TRPM3: variants seen among roughly 807,000 people sequenced by gnomAD.
The protein encoded by TRPM3 is transient receptor potential cation channel subfamily M member 3.
A neutral mutation model predicts 181.2 loss-of-function variants in TRPM3; 77 were observed. That is an observed-to-expected ratio of 0.42 (90% CI 0.35 to 0.51). The LOEUF (loss-of-function observed/expected upper bound fraction) is 0.51, where lower values mean the gene tolerates loss of function less well. Among genes scored for constraint, TRPM3 ranks in the 20% least tolerant of loss-of-function variants. The probability of loss-of-function intolerance (pLI) is 0.01; values close to 1 mark genes in which losing one functional copy is unlikely to be tolerated. For missense variants in TRPM3, 1,759 were observed against 2,196.7 expected (o/e 0.80, Z 3.98); for synonymous variants, 745 against 796.4 (o/e 0.94, Z 1.09).
At chr9:70,952,572 T>C (rs543481074) in intron 1 of TRPM3, among the ~76,000 whole-genome samples, 4 of 152,300 alleles carry the variant, frequency 2.6e-5, no homozygotes, top group African/African-American at 7.2e-5. Context: ...TGGTCAGTTT[T>C]TGGAGGAGCT....
At chr9:70,570,107 A>C (rs1447766534) in intron 22 of TRPM3, among the ~76,000 whole-genome samples, 2 of 151,960 alleles carry the variant, frequency 1.3e-5, no homozygotes, top group Non-Finnish European at 2.9e-5. Context: ...GTTGCTTTAG[A>C]TTTTGGGACT....
intron 19 of TRPM3, among the ~76,000 whole-genome samples, chr9:70,604,044 TTAAGA>T (rs2060553408): frequency 6.6e-6 from 1 of 152,298 alleles, no homozygotes; most frequent in East Asian, 1.9e-4. Context: ...CCTAATCAAG[TTAAGA>T]TAAGATATTC....
intron 1 of TRPM3, among the ~76,000 whole-genome samples, chr9:71,036,312 T>C (rs1030461885): frequency 2.0e-5 from 3 of 152,224 alleles, no homozygotes; most frequent in African/African-American, 7.2e-5. Flanking sequence ...CTTTACTTAA[T>C]TAGGATGCAT....
At chr9:70,747,529 T>C (rs1179489743) in intron 8 of TRPM3, among the ~76,000 whole-genome samples, 4 of 152,186 alleles carry the variant, frequency 2.6e-5, no homozygotes, top group African/African-American at 9.6e-5. Context: ...TGATTGGTTC[T>C]GTGCTTCAAC....
chr9:71,295,261 T>C (rs1339869560), intron 1 of TRPM3, among the ~76,000 whole-genome samples: 1 of 152,130 alleles, frequency 6.6e-6, no homozygotes, highest in African/African-American at 2.4e-5. Context: ...GAGATGATAA[T>C]GGTCAGTATT....
intron 1 of TRPM3, among the ~76,000 whole-genome samples, chr9:71,112,464 C>T (rs1460120802): frequency 2.0e-5 from 3 of 152,206 alleles, no homozygotes; most frequent in Admixed American, 6.5e-5. Context: ...CTTGGGGAAT[C>T]GATGAACTAA....
chr9:70,983,413 T>C (rs1338775913), intron 1 of TRPM3, among the ~76,000 whole-genome samples: 4 of 152,150 alleles, frequency 2.6e-5, no homozygotes, highest in Non-Finnish European at 4.4e-5. Flanking sequence ...ACTTAGATAC[T>C]TCAAAGGCAT....
intron 6 of TRPM3, among the ~76,000 whole-genome samples, chr9:70,800,689 A>G (rs2088697068): frequency 6.6e-6 from 1 of 152,162 alleles, no homozygotes; most frequent in African/African-American, 2.4e-5. Flanking sequence ...TATTTTCTTA[A>G]TATGATTTCC....
intron 1 of TRPM3, among the ~76,000 whole-genome samples, chr9:71,104,235 A>T (rs925806452): frequency 1.3e-5 from 2 of 152,166 alleles, no homozygotes; most frequent in African/African-American, 4.8e-5. Flanking sequence ...ACTCTTTATG[A>T]GTGACCACTA....
chr9:71,294,423 C>T (rs938403765), intron 1 of TRPM3, among the ~76,000 whole-genome samples: 1 of 151,962 alleles, frequency 6.6e-6, no homozygotes, highest in South Asian at 2.1e-4. Flanking sequence ...AAGGAGATAC[C>T]ATTTCACACC....
Position 70,917,017 on chromosome 9 carries a change from G to A in TRPM3, c.178-52506C>T, listed in dbSNP as rs895802777. 8.9e-5 allele frequency: 140 copies of A among 1,572,328 alleles called. No individual in the cohort carries two copies. The Admixed American group carries it at 2.2e-3, about 24-fold the overall frequency. ...AGTTAGAAGTCCTGGGACAAACAAG[G>A]TGAGTGGGTATAGAGACTGGTATGT... On this transcript the variant is annotated intron_variant, in intron 1 of 25. Transcript: ENST00000677713.
At chr9:71,358,357 A>G (rs923271600) in intron 1 of TRPM3, among the ~76,000 whole-genome samples, 1 of 152,188 alleles carries the variant, frequency 6.6e-6, no homozygotes, top group African/African-American at 2.4e-5. Flanking sequence ...CTCTAGATCA[A>G]TTGGAAAATC....
intron 1 of TRPM3, among the ~76,000 whole-genome samples, chr9:71,286,440 T>C (rs1305338395): frequency 6.6e-6 from 1 of 152,182 alleles, no homozygotes; most frequent in South Asian, 2.1e-4. Flanking sequence ...CCAGAGAATC[T>C]AGCCCATTAA....
chr9:70,692,101 G>T (rs1421682425), intron 8 of TRPM3, among the ~76,000 whole-genome samples: 3 of 152,190 alleles, frequency 2.0e-5, no homozygotes, highest in East Asian at 1.9e-4. Context: ...CAGAGTTTGT[G>T]GGGGGAAGGG....
At chr9:71,041,595 C>T (rs1417461168) in intron 1 of TRPM3, among the ~76,000 whole-genome samples, 2 of 152,168 alleles carry the variant, frequency 1.3e-5, no homozygotes, top group Admixed American at 1.3e-4. Flanking sequence ...TTATTTCCCA[C>T]TCGACCCAGC....
intron 1 of TRPM3, among the ~76,000 whole-genome samples, chr9:71,291,762 A>G (rs961099382): frequency 6.6e-6 from 1 of 152,130 alleles, no homozygotes; most frequent in Non-Finnish European, 1.5e-5. Flanking sequence ...TTGATATTAT[A>G]AAGCAATCAA....
At chr9:71,167,354 T>C (rs921517493) in intron 1 of TRPM3, among the ~76,000 whole-genome samples, 2 of 152,332 alleles carry the variant, frequency 1.3e-5, no homozygotes, top group Non-Finnish European at 2.9e-5. Context: ...TAAAATGTAC[T>C]ATTATTTTAC....
chr9:71,119,024 C>A (rs1204664410), intron 1 of TRPM3, among the ~76,000 whole-genome samples: 2 of 152,046 alleles, frequency 1.3e-5, no homozygotes, highest in Admixed American at 6.6e-5. Flanking sequence ...ATACAACAAT[C>A]CATAGGAAAA....
chr9:70,647,020 TAGCA>T (rs1174126362), intron 9 of TRPM3, among the ~76,000 whole-genome samples: 1 of 151,844 alleles, frequency 6.6e-6, no homozygotes, highest in Admixed American at 6.6e-5. Flanking sequence ...AACAGAGCAA[TAGCA>T]AGTTCTGAAA....
Sources: gnomAD v4.1 joint callset for allele counts (sites outside exome capture counted in the v4.1 genomes callset) on GRCh38, gnomAD v4.1.1 for gene constraint, MANE v1.5 for transcripts, NCBI Gene and HGNC (gene_info 2026-07-23, HGNC 2026-07-21) for gene names.